TMEM132D: variants seen among roughly 807,000 people sequenced by gnomAD.
TMEM132D encodes mature OL transmembrane protein.
A neutral mutation model predicts 62.3 loss-of-function variants in TMEM132D; 21 were observed. That is an observed-to-expected ratio of 0.34 (90% CI 0.24 to 0.49). TMEM132D has a LOEUF of 0.49. TMEM132D is among the 20% of genes least tolerant of loss of function. TMEM132D has a pLI of 0.99. For missense variants in TMEM132D, 1,346 were observed against 1,402.8 expected, an observed-to-expected ratio of 0.96 and a Z score of 0.65; for synonymous variants, 621 against 575.6, an observed-to-expected ratio of 1.08 and a Z score of -1.13.
intron 3 of TMEM132D, among the ~76,000 whole-genome samples, chr12:129,407,058 A>G (rs1871812080): frequency 6.6e-6 from 1 of 152,240 alleles, no homozygotes; most frequent in Non-Finnish European, 1.5e-5. Flanking sequence ...TGAATTTTAA[A>G]CCAGGTTCCA....
chr12:129,893,107 C>A (rs918343920), intron 1 of TMEM132D, among the ~76,000 whole-genome samples: 9 of 152,058 alleles, frequency 5.9e-5, no homozygotes, highest in Admixed American at 1.3e-4. Context: ...GAACTCTTGA[C>A]CTCGTGATCC....
chr12:129,835,303 T>C (rs1335163546), intron 1 of TMEM132D, among the ~76,000 whole-genome samples: 1 of 152,192 alleles, frequency 6.6e-6, no homozygotes. Flanking sequence ...TCTTTGTTTT[T>C]GTTTTGAGAT....
chr12:129,298,598 CT>C (rs1164610137), intron 4 of TMEM132D, among the ~76,000 whole-genome samples: 1 of 152,182 alleles, frequency 6.6e-6, no homozygotes, highest in Non-Finnish European at 1.5e-5. Flanking sequence ...ATTAACCAGC[CT>C]CTCCCCATCC....
chr12:129,537,305 T>C (rs1876425934), intron 2 of TMEM132D, among the ~76,000 whole-genome samples: 1 of 152,102 alleles, frequency 6.6e-6, no homozygotes, highest in Non-Finnish European at 1.5e-5. Context: ...AGACTAAAAA[T>C]AATCAGTTGC....
chr12:129,279,401 T>G (rs998557249), intron 4 of TMEM132D, among the ~76,000 whole-genome samples: 9 of 152,192 alleles, frequency 5.9e-5, no homozygotes, highest in African/African-American at 2.2e-4. Flanking sequence ...GAATTTTTTT[T>G]GGGAATGGGG....
intron 3 of TMEM132D, among the ~76,000 whole-genome samples, chr12:129,447,663 T>C (rs1160918695): frequency 6.6e-6 from 1 of 152,202 alleles, no homozygotes; most frequent in Non-Finnish European, 1.5e-5. Context: ...ATCTAAATGA[T>C]GTCTGTGCAC....
intron 1 of TMEM132D, among the ~76,000 whole-genome samples, chr12:129,896,233 C>T (rs1206688874): frequency 6.6e-6 from 1 of 151,978 alleles, no homozygotes; most frequent in Non-Finnish European, 1.5e-5. Flanking sequence ...AGTGATCCTC[C>T]CACCTGGGCC....
rs186537898 is a variant in TMEM132D at position 129,613,348 on chromosome 12, C to T, written c.969-82143G>A. On this transcript the variant is annotated intron_variant, in intron 2 of 8. Transcript: ENST00000422113. Reference sequence around the variant, plus strand: ...AAAGGTCTCATGTAAGTTGATGGAGCCGCTCCTCTATCCACTGTCTCCTGG... The same window carrying T: ...AAAGGTCTCATGTAAGTTGATGGAGTCGCTCCTCTATCCACTGTCTCCTGG... Among the ~76,000 whole-genome samples the T allele has an allele frequency of 3.1e-3, 479 of 152,258 alleles. 5 individuals are homozygous for T. Among genetic ancestry groups the T allele is most frequent in the African/African-American group, 0.011 (461 of 41,556 alleles).
At chr12:129,813,611 G>GATATATATAT (rs3046846) in intron 1 of TMEM132D, among the ~76,000 whole-genome samples, 2,502 of 136,616 alleles carry the variant, frequency 0.018, 108 homozygotes, top group Non-Finnish European at 0.03. Context: ...CAGAAAATGT[G>GATATATATAT]ATATATATAT....
At chr12:129,781,682 C>A (rs1158023631) in intron 1 of TMEM132D, among the ~76,000 whole-genome samples, 1 of 152,132 alleles carries the variant, frequency 6.6e-6, no homozygotes, top group African/African-American at 2.4e-5. Context: ...CCAGAGAACA[C>A]ACATTTTGTC....
chr12:129,643,531 T>G (rs936178527), intron 2 of TMEM132D, among the ~76,000 whole-genome samples: 3 of 152,160 alleles, frequency 2.0e-5, no homozygotes, highest in Admixed American at 2.0e-4. Flanking sequence ...CAGAATAGAT[T>G]TGCTGCCCCC....
chr12:129,710,748 C>T (rs1035963276), intron 1 of TMEM132D, among the ~76,000 whole-genome samples: 2 of 152,200 alleles, frequency 1.3e-5, no homozygotes, highest in Admixed American at 1.3e-4. Flanking sequence ...AAGAGGCGAA[C>T]ACTTGAAAGC....
chr12:129,828,193 T>C (rs939034742), intron 1 of TMEM132D, among the ~76,000 whole-genome samples: 1 of 152,190 alleles, frequency 6.6e-6, no homozygotes, highest in Admixed American at 6.6e-5. Flanking sequence ...AAATGATCTC[T>C]CACCCTCTTT....
intron 1 of TMEM132D, among the ~76,000 whole-genome samples, chr12:129,868,686 CA>C (rs1451461297): frequency 6.6e-6 from 1 of 152,166 alleles, no homozygotes; most frequent in East Asian, 1.9e-4. Context: ...GCAGGTGTTT[CA>C]AAAGTGTGGG....
intron 1 of TMEM132D, among the ~76,000 whole-genome samples, chr12:129,877,637 A>G (rs1313233514): frequency 6.6e-6 from 1 of 152,012 alleles, no homozygotes; most frequent in African/African-American, 2.4e-5. Context: ...ACAGAGAGAG[A>G]GAGAGAGAGA....
intron 2 of TMEM132D, among the ~76,000 whole-genome samples, chr12:129,615,531 G>C (rs1035151419): frequency 3.4e-5 from 5 of 148,604 alleles, no homozygotes; most frequent in African/African-American, 7.4e-5. Context: ...TGAGAGGATT[G>C]TTCGAGCCCA....
At chr12:129,501,764 C>G (rs1051784402) in intron 3 of TMEM132D, among the ~76,000 whole-genome samples, 3 of 152,116 alleles carry the variant, frequency 2.0e-5, no homozygotes, top group African/African-American at 7.2e-5. Flanking sequence ...CCTCGGCCTC[C>G]TAAATTGCTG....
intron 1 of TMEM132D, among the ~76,000 whole-genome samples, chr12:129,775,668 A>G (rs1251705916): frequency 2.0e-5 from 3 of 152,218 alleles, no homozygotes; most frequent in African/African-American, 7.2e-5. Flanking sequence ...AGAAAAGGAT[A>G]AAACTGCCAT....
intron 5 of TMEM132D, among the ~76,000 whole-genome samples, chr12:129,136,690 TCAA>T (rs1037408186): frequency 1.5e-4 from 23 of 151,300 alleles, no homozygotes; most frequent in African/African-American, 5.1e-4. Flanking sequence ...GCCATCATCA[TCAA>T]CATCACCATC....
Sources: gnomAD v4.1 joint callset for allele counts (sites outside exome capture counted in the v4.1 genomes callset) on GRCh38, gnomAD v4.1.1 for gene constraint, MANE v1.5 for transcripts, NCBI Gene and HGNC (gene_info 2026-07-23, HGNC 2026-07-21) for gene names.